Variants in TLE6 observed in about 807,000 individuals in gnomAD.
The protein encoded by TLE6 is transducin-like enhancer protein 6.
In TLE6, 72 loss-of-function variants were observed where a neutral mutation model predicts 77.1. That is an observed-to-expected ratio of 0.93 (90% CI 0.77 to 1.14). The LOEUF (loss-of-function observed/expected upper bound fraction) is 1.14. Among genes scored for constraint, TLE6 ranks in the 50% most tolerant of loss-of-function variants. The pLI, the probability that TLE6 is intolerant of heterozygous loss-of-function variation, is 0.00. For missense variants in TLE6, 843 were observed against 747.6 expected (o/e 1.13, Z -1.49); for synonymous variants, 366 against 287.3 (o/e 1.27, Z -2.77).
chr19:2,978,220 C>A lies in TLE6; in HGVS notation c.-14C>A. On this transcript the variant is annotated 5_prime_UTR_variant, in exon 2 of 17. Transcript: ENST00000246112. ...TAGACTCTGGCTAAAGTCTTGGAGG[C>A]TACTGCCTTGAAGATGACCTCTAGG... The A allele has an allele frequency of 6.4e-7, 1 of 1,551,344 alleles. No homozygotes were observed. Among genetic ancestry groups the A allele is most frequent in the Non-Finnish European group, 8.7e-7 (1 of 1,146,880 alleles).
At position 2,989,727 on chromosome 19, in the gene TLE6, G is replaced by A. The variant is rs751489659; in HGVS notation, c.1186G>A (p.Ala396Thr). The change falls in exon 13 of 17, where the codon GCC becomes ACC. Residue 396 changes from alanine (A) to threonine (T), a missense_variant. Transcript: ENST00000246112. ...CAACCTGGATGCCAACCTGGCCTTC[G>A]CCAGCTTCACCAGTGGTGTGGTCAG... ...DANLDANLAF[A>T]SFTSGVVRIW... 1.2e-6 allele frequency: 2 copies of A among 1,614,204 alleles called. No individual in the cohort carries two copies. The highest frequency in any genetic ancestry group is 1.1e-5 in the South Asian group (1 of 91,086).
In TLE6 at chr19:2,990,170, G is replaced by A. The variant is rs574195365; in HGVS notation, c.1244+385G>A. On this transcript the variant is annotated intron_variant, in intron 13 of 16. Transcript: ENST00000246112. ...ACCCAGCACTTTGGGAGGTCAAGACGGGACAAATGCTTAAGCCCAGGAATT... is the reference window on the plus strand; with the variant it reads ...ACCCAGCACTTTGGGAGGTCAAGACAGGACAAATGCTTAAGCCCAGGAATT... Among the ~76,000 whole-genome samples the A allele has an allele frequency of 2.3e-3, 342 of 151,950 alleles. 2 individuals carry two copies. The highest frequency in any genetic ancestry group is 3.1e-3 in the Non-Finnish European group (210 of 67,988).
At position 2,987,012 on chromosome 19, in the gene TLE6, G is replaced by A. The variant is rs775569977; in HGVS notation, c.315G>A (p.Gly105=). ...CACCTGCTGAACCAGCCAGCCCTGGGACGCCCCAGCAGGTGAAGGACAAGA... is the reference window on the plus strand; with the variant it reads ...CACCTGCTGAACCAGCCAGCCCTGGAACGCCCCAGCAGGTGAAGGACAAGA... ...EVSPAEPASP[G]TPQQVKDKTL... The change falls in exon 7 of 17, where the codon GGG becomes GGA. Residue 105 remains glycine (G), a synonymous_variant. Coordinates refer to ENST00000246112, the MANE Select transcript of TLE6 (RefSeq NM_001143986.2). 4 of 1,613,360 alleles carry A rather than the reference G, an allele frequency of 2.5e-6. No individual in the cohort carries two copies. The highest frequency in any genetic ancestry group is 3.4e-6 in the Non-Finnish European group (4 of 1,179,420).
In TLE6 at chr19:2,987,017, C is replaced by G; in HGVS notation, c.320C>G (p.Pro107Arg). Reference sequence around the variant, plus strand: ...GCTGAACCAGCCAGCCCTGGGACGCCCCAGCAGGTGAAGGACAAGACCCTG... The same window carrying G: ...GCTGAACCAGCCAGCCCTGGGACGCGCCAGCAGGTGAAGGACAAGACCCTG... ...SPAEPASPGT[P>R]QQVKDKTLQE... Residue 107 changes from proline to arginine, a missense_variant, in exon 7 of 17, where the codon CCC becomes CGC. By Grantham distance (103) the Pro-to-Arg change is moderately radical. Transcript: ENST00000246112. 1 of 1,613,498 alleles carries G rather than the reference C, an allele frequency of 6.2e-7. No homozygotes were observed. Among genetic ancestry groups the G allele is most frequent in the Non-Finnish European group, 8.5e-7 (1 of 1,179,582 alleles).
intron 5 of TLE6, chr19:2,983,995 G>A (rs2088853143): frequency 6.6e-6 from 1 of 152,152 alleles, no homozygotes; most frequent in Non-Finnish European, 1.5e-5. Flanking sequence ...CACTGCAGGG[G>A]GCCCCAGGAT....
At chr19:2,991,714 C>T (rs1275150511) in intron 13 of TLE6, 129 bp from the exon 14 acceptor site, 9 of 833,858 alleles carry the variant, frequency 1.1e-5, no homozygotes, top group African/African-American at 6.8e-5. Flanking sequence ...AACTTTGACA[C>T]TCTGTGCAGG....
chr19:2,989,461 G>A lies in TLE6; in HGVS notation c.994-74G>A, dbSNP rs144928864. 1.8e-3 allele frequency: 2,764 copies of A among 1,570,678 alleles called. 3 individuals are homozygous for A. Among genetic ancestry groups the A allele is most frequent in the Non-Finnish European group, 2.1e-3 (2,492 of 1,161,088 alleles). On this transcript the variant is annotated intron_variant, in intron 12 of 16. Coordinates refer to ENST00000246112, the MANE Select transcript of TLE6 (RefSeq NM_001143986.2). The stretch of plus-strand genomic sequence containing the variant: ...GAACCTAAAGGATGAATAGGAGTTC[G>A]CTCTCATGAGGCAAAGCAGTCCAGG...
chr19:2,995,056 T>TCC lies in TLE6; in HGVS notation c.*61_*62dup, dbSNP rs141348286. The TCC allele has an allele frequency of 0.14, 111,966 of 816,456 alleles. 3,416 individuals are homozygous for TCC. The highest frequency in any genetic ancestry group is 0.29 in the East Asian group (9,677 of 33,216). 50.6% of individuals were successfully genotyped at this position (816,456 alleles called of 1,614,324 possible). A position where few individuals can be genotyped will look rare whatever the true frequency, so the allele number is the denominator to read the frequency against. The stretch of plus-strand genomic sequence containing the variant: ...CGGCTCCTCTTTTCATCCCCCCCCT[T>TCC]CCCCCCCCCCAACAAGGGGGACATG... On this transcript the variant is annotated 3_prime_UTR_variant, in exon 17 of 17. Transcript: ENST00000246112.
chr19:2,992,707 C>T (rs1292536155), intron 14 of TLE6, among the ~76,000 whole-genome samples: 3 of 143,484 alleles, frequency 2.1e-5, no homozygotes, highest in African/African-American at 5.2e-5. Context: ...CCCGGGGAGG[C>T]TGAGGCCACA....
chr19:2,988,169 C>T (rs1213257354), intron 11 of TLE6, 41 bp downstream of exon 11: 1 of 1,544,076 alleles, frequency 6.5e-7, no homozygotes, highest in South Asian at 1.2e-5. Context: ...GGGTGAGGGG[C>T]AGCGGGAATT....
intron 2 of TLE6, 120 bp from the exon 3 acceptor site, chr19:2,979,980 A>T: frequency 1.4e-6 from 1 of 693,616 alleles, no homozygotes; most frequent in Non-Finnish European, 2.3e-6. Flanking sequence ...AAAAAAAAAA[A>T]GCAAAAACCA....
At position 2,978,231 on chromosome 19, in the gene TLE6, A is replaced by C; in HGVS notation, c.-3A>C. 1 of 1,551,476 alleles carries C rather than the reference A, an allele frequency of 6.4e-7. No individual in the cohort carries two copies. The highest frequency in any genetic ancestry group is 8.7e-7 in the Non-Finnish European group (1 of 1,146,952). On this transcript the variant is annotated 5_prime_UTR_variant, in exon 2 of 17. Coordinates refer to ENST00000246112, the MANE Select transcript of TLE6 (RefSeq NM_001143986.2). The stretch of plus-strand genomic sequence containing the variant: ...TAAAGTCTTGGAGGCTACTGCCTTG[A>C]AGATGACCTCTAGGGACCAGCCCAG...
intron 16 of TLE6, 105 bp from the exon 17 acceptor site, chr19:2,994,795 C>G: frequency 1.5e-6 from 1 of 659,246 alleles, no homozygotes; most frequent in Non-Finnish European, 2.6e-6. Flanking sequence ...CAGAGCAAGA[C>G]CCTGTCTTTC....
intron 12 of TLE6, 69 bp from the exon 13 acceptor site, chr19:2,989,466 C>G: frequency 6.4e-7 from 1 of 1,574,244 alleles, no homozygotes; most frequent in Non-Finnish European, 8.6e-7. Flanking sequence ...AGTTCGCTCT[C>G]ATGAGGCAAA....
chr19:2,988,077 T>G lies in TLE6; in HGVS notation c.703-14T>G. The G allele has an allele frequency of 6.4e-7, 1 of 1,552,524 alleles. No individual in the cohort carries two copies. Among genetic ancestry groups the G allele is most frequent in the Non-Finnish European group, 8.7e-7 (1 of 1,147,426 alleles). On this transcript the variant is annotated splice_polypyrimidine_tract_variant and intron_variant, in intron 10 of 16. Transcript: ENST00000246112. Reference sequence around the variant, plus strand: ...GGGGAGGCTGGGGGCAGCTGTGATCTCCCCCGCCTGCAGGAGCCTCCTGGA... The same window carrying G: ...GGGGAGGCTGGGGGCAGCTGTGATCGCCCCCGCCTGCAGGAGCCTCCTGGA...
In TLE6 at chr19:2,994,894, C is replaced by A. The variant is rs372086778; in HGVS notation, c.1615-6C>A. ...CCCAGCTCACTGCCCACTGCCCCCC[C>A]TCCAGGTGCCTGAGATGTCTCCAGT... is the stretch of plus-strand genomic sequence containing the variant. On this transcript the variant is annotated splice_region_variant and splice_polypyrimidine_tract_variant and intron_variant, in intron 16 of 16. Coordinates refer to ENST00000246112, the MANE Select transcript of TLE6 (RefSeq NM_001143986.2). 1.6e-5 allele frequency: 25 copies of A among 1,583,830 alleles called. No individual in the cohort carries two copies. The highest frequency in any genetic ancestry group is 8.0e-5 in the South Asian group (7 of 87,582).
intron 3 of TLE6, among the ~76,000 whole-genome samples, chr19:2,981,209 AAAT>A (rs2088791017): frequency 1.3e-5 from 2 of 151,544 alleles, no homozygotes; most frequent in African/African-American, 4.9e-5. Flanking sequence ...AAATACAAAA[AAAT>A]AGCTGGGTGT....
In TLE6 at chr19:2,987,784, G is replaced by A. The variant is rs768995360; in HGVS notation, c.619G>A (p.Ala207Thr). 56 of 1,614,072 alleles carry A rather than the reference G, an allele frequency of 3.5e-5. No homozygotes were observed. The highest frequency in any genetic ancestry group is 1.5e-4 in the Admixed American group (9 of 60,008). The change falls in exon 9 of 17, where the codon GCC becomes ACC. Residue 207 changes from alanine (A) to threonine (T), a missense_variant. Coordinates refer to ENST00000246112, the MANE Select transcript of TLE6 (RefSeq NM_001143986.2). ...AGGAACAGACCCATGTCCTGAAGAT[G>A]CCTCCAGTAATCCCAGCGGGCAGGG... ...DPGTDPCPED[A>T]STPRPPEASS...
chr19:2,989,007 C>T lies in TLE6; in HGVS notation c.741-54C>T, dbSNP rs2088978722. On this transcript the variant is annotated intron_variant, in intron 11 of 16. Coordinates refer to ENST00000246112, the MANE Select transcript of TLE6 (RefSeq NM_001143986.2). ...TCTAGGCCTTGATGTGTGGCTCCCA[C>T]TGGGCAAAGGGGCTCACAAGCAGGT... 2.5e-6 allele frequency: 4 copies of T among 1,597,864 alleles called. No homozygotes were observed. The Admixed American group carries it at 5.1e-5, about 20-fold the overall frequency.
Sources: allele counts gnomAD v4.1 joint callset (sites outside exome capture counted in the v4.1 genomes callset), GRCh38; gene constraint gnomAD v4.1.1; transcripts MANE v1.5; gene names NCBI Gene and HGNC (gene_info 2026-07-23, HGNC 2026-07-21).